The following MIB1 variants were observed in gnomAD, a reference collection of about 807,000 sequenced individuals.
MIB1 encodes the protein E3 ubiquitin-protein ligase MIB1.
A neutral mutation model predicts 124.5 loss-of-function variants in MIB1; 278 were observed. The observed-to-expected ratio is 2.23, with a 90% CI of 2.02 to 2.47. MIB1 has a LOEUF of 2.47. Ranked by LOEUF, MIB1 falls within the 30% of genes most tolerant of loss-of-function variation. The probability of loss-of-function intolerance (pLI) is 0.00; values close to 1 mark genes in which losing one functional copy is unlikely to be tolerated. For synonymous variants in MIB1, 446 were observed against 429.4 expected (o/e 1.04, Z -0.48); for missense variants, 957 against 1,254.4 (o/e 0.76, Z 3.58).
chr18:21,747,609 A>T (rs1041655366), intron 1 of MIB1, among the ~76,000 whole-genome samples: 4 of 152,218 alleles, frequency 2.6e-5, no homozygotes, highest in Non-Finnish European at 4.4e-5. Context: ...TGGCATTATT[A>T]GTTGGGGAGA....
At chr18:21,801,732 T>C (rs1378656385) in intron 9 of MIB1, among the ~76,000 whole-genome samples, 1 of 152,192 alleles carries the variant, frequency 6.6e-6, no homozygotes, top group Non-Finnish European at 1.5e-5. Context: ...AACTGTAACA[T>C]ACCTCAATTG....
At chr18:21,771,601 G>A (rs915106214) in intron 3 of MIB1, among the ~76,000 whole-genome samples, 1 of 152,100 alleles carries the variant, frequency 6.6e-6, no homozygotes. Flanking sequence ...ACTTCAGGAT[G>A]GTAGTTACCT....
chr18:21,796,689 G>A (rs2041585628), intron 7 of MIB1, among the ~76,000 whole-genome samples: 1 of 152,166 alleles, frequency 6.6e-6, no homozygotes, highest in Non-Finnish European at 1.5e-5. Flanking sequence ...TTTTCAAGCA[G>A]CCTTTCTCAA....
intron 12 of MIB1, among the ~76,000 whole-genome samples, chr18:21,820,962 G>A (rs2041872701): frequency 6.6e-6 from 1 of 152,086 alleles, no homozygotes; most frequent in Admixed American, 6.5e-5. Context: ...AAAACACATG[G>A]GCAGTGAATG....
At chr18:21,706,551 C>G (rs780893746) in intron 1 of MIB1, among the ~76,000 whole-genome samples, 13 of 152,122 alleles carry the variant, frequency 8.5e-5, no homozygotes, top group Admixed American at 5.9e-4. Flanking sequence ...TGCTGTGCCC[C>G]GCGATCACGG....
rs2040656912 is a variant in MIB1, at chr18:21,709,600, C to T, written n.167+4477C>T. Among the ~76,000 whole-genome samples, 6 of 152,194 alleles carry T rather than the reference C, an allele frequency of 3.9e-5. No individual in the cohort carries two copies. The South Asian group carries it at 1.2e-3, about 31-fold the overall frequency. On this transcript the variant is annotated intron_variant and non_coding_transcript_variant, in intron 1 of 20. Transcript: ENST00000578646. ...GCAGTCTAGGTTGTATCTCACCTTC[C>T]TCCCAGCTGTGGAGGTAGGAAAACA...
chr18:21,778,347 C>G (rs893785246), intron 5 of MIB1, among the ~76,000 whole-genome samples, 178 bp downstream of exon 5: 9 of 152,126 alleles, frequency 5.9e-5, no homozygotes, highest in Non-Finnish European at 1.3e-4. Context: ...TATTTGGACT[C>G]AGAGTTGTCA....
Position 21,707,881 on chromosome 18 carries a change from T to C in MIB1, n.167+2758T>C, listed in dbSNP as rs370026608. On this transcript the variant is annotated intron_variant and non_coding_transcript_variant, in intron 1 of 20. Coordinates refer to the MIB1 transcript ENST00000578646. Reference sequence around the variant, plus strand: ...AGCCTAGGTGACTTAAACATACATGTATTTCTCACTGTTCTAGAGGCTGGA... The same window carrying C: ...AGCCTAGGTGACTTAAACATACATGCATTTCTCACTGTTCTAGAGGCTGGA... Among the ~76,000 whole-genome samples the C allele has an allele frequency of 4.3e-4, 66 of 152,324 alleles. 1 individual carries two copies. The South Asian group carries it at 0.013, about 30-fold the overall frequency.
intron 12 of MIB1, among the ~76,000 whole-genome samples, chr18:21,820,813 A>AATTTAATT (rs1772546294): frequency 6.6e-6 from 1 of 152,226 alleles, no homozygotes; most frequent in African/African-American, 2.4e-5. Context: ...TATAGAGATG[A>AATTTAATT]ATTTAATTAT....
intron 1 of MIB1, among the ~76,000 whole-genome samples, chr18:21,755,783 G>A (rs2041025230): frequency 6.6e-6 from 1 of 152,078 alleles, no homozygotes; most frequent in South Asian, 2.1e-4. Context: ...TTTTTTAAAA[G>A]CAAATTTACT....
At chr18:21,732,234 A>G (rs1173929122) in intron 1 of MIB1, among the ~76,000 whole-genome samples, 2 of 151,928 alleles carry the variant, frequency 1.3e-5, no homozygotes, top group African/African-American at 4.8e-5. Context: ...AGGCTGAGGC[A>G]GGAGAATTAC....
intron 3 of MIB1, among the ~76,000 whole-genome samples, chr18:21,773,252 G>A (rs968413684): frequency 1.7e-4 from 26 of 152,178 alleles, no homozygotes; most frequent in African/African-American, 5.5e-4. Flanking sequence ...CGACAAGAGC[G>A]AGATTCCATC....
chr18:21,859,305 G>A (rs139275963), intron 20 of MIB1, among the ~76,000 whole-genome samples: 171 of 151,176 alleles, frequency 1.1e-3, no homozygotes, highest in African/African-American at 3.9e-3. Context: ...GAGGTGGGAG[G>A]ATCACTTGAA....
Position 21,798,085 on chromosome 18 carries a change from C to CTT in MIB1, c.1096_1097dup (p.Leu366PhefsTer2). ...CATGAATCTATTTTTTTCCCCAAGA[C>CTT]TTTAGGTAAAGTTGGCCGAGTACAA... On this transcript the variant is annotated frameshift_variant and splice_region_variant, in exon 8 of 21. Coordinates refer to ENST00000261537, the MANE Select transcript of MIB1 (RefSeq NM_020774.4). LOFTEE classifies it high-confidence loss of function. The CTT allele has an allele frequency of 6.2e-7, 1 of 1,611,820 alleles. No individual in the cohort carries two copies. The highest frequency in any genetic ancestry group is 8.5e-7 in the Non-Finnish European group (1 of 1,178,702).
At chr18:21,773,472 C>T (rs1052874903) in intron 3 of MIB1, 152 bp from the exon 4 acceptor site, 6 of 579,028 alleles carry the variant, frequency 1.0e-5, no homozygotes, top group Non-Finnish European at 1.8e-5. Flanking sequence ...ACTATGTTAG[C>T]AGTGACATAT....
At chr18:21,788,908 G>A (rs2041469830) in intron 6 of MIB1, among the ~76,000 whole-genome samples, 2 of 152,136 alleles carry the variant, frequency 1.3e-5, no homozygotes, top group South Asian at 4.2e-4. Context: ...TTTAACCAAG[G>A]AGATGCAAGA....
intron 11 of MIB1, 146 bp downstream of exon 11, chr18:21,815,959 G>A: frequency 2.7e-6 from 2 of 751,582 alleles, no homozygotes; most frequent in Non-Finnish European, 4.1e-6. Flanking sequence ...TACAAAATTG[G>A]CAGCTATTTC....
chr18:21,745,991 C>T (rs534551387), intron 1 of MIB1, among the ~76,000 whole-genome samples: 1 of 152,084 alleles, frequency 6.6e-6, no homozygotes, highest in Admixed American at 6.5e-5. Flanking sequence ...CAAGTGTGAG[C>T]CACCACACCC....
intron 1 of MIB1, among the ~76,000 whole-genome samples, chr18:21,750,158 C>G (rs2040958305): frequency 6.6e-6 from 1 of 151,270 alleles, no homozygotes; most frequent in Non-Finnish European, 1.5e-5. Context: ...GAGGTGGAGT[C>G]TCACTCTGTT....
Sources: gnomAD v4.1 joint callset for allele counts (sites outside exome capture counted in the v4.1 genomes callset) on GRCh38, gnomAD v4.1.1 for gene constraint, MANE v1.5 for transcripts, NCBI Gene and HGNC (gene_info 2026-07-23, HGNC 2026-07-21) for gene names.